Variants in SCFD2 observed in about 807,000 individuals in gnomAD.
The protein encoded by SCFD2 is sec1 family domain-containing protein 2.
Under a neutral mutation model 58.9 loss-of-function variants are expected in SCFD2, and 54 were observed. The observed-to-expected ratio is 0.92, with a 90% CI of 0.74 to 1.15. The LOEUF is 1.15. SCFD2 is among the 50% of genes most tolerant of loss of function. SCFD2 has a pLI of 0.00. For synonymous variants in SCFD2, 321 were observed against 335.9 expected (o/e 0.96, Z 0.49); for missense variants, 805 against 836.6 (o/e 0.96, Z 0.47).
intron 3 of SCFD2, among the ~76,000 whole-genome samples, chr4:53,282,862 T>C (rs1164171534): frequency 1.3e-5 from 2 of 152,172 alleles, no homozygotes; most frequent in African/African-American, 2.4e-5. Flanking sequence ...GAAAGAGCGA[T>C]GGATGAGTAC....
intron 5 of SCFD2, among the ~76,000 whole-genome samples, chr4:52,923,343 G>A (rs1719785515): frequency 6.6e-6 from 1 of 152,022 alleles, no homozygotes; most frequent in Non-Finnish European, 1.5e-5. Context: ...TGGGCATGGT[G>A]GCAGGCCGCG....
At chr4:53,155,688 A>C (rs1726657880) in intron 4 of SCFD2, among the ~76,000 whole-genome samples, 2 of 147,434 alleles carry the variant, frequency 1.4e-5, no homozygotes. Flanking sequence ...ACACAGAGAC[A>C]CACTGAATTT....
intron 5 of SCFD2, among the ~76,000 whole-genome samples, chr4:53,072,793 C>T (rs1723858202): frequency 8.7e-6 from 1 of 114,712 alleles, no homozygotes; most frequent in African/African-American, 2.7e-5. Context: ...AGCAAGAGAG[C>T]TCTTCTCTTT....
chr4:53,218,739 T>C (rs1728945947), intron 4 of SCFD2, among the ~76,000 whole-genome samples: 1 of 152,222 alleles, frequency 6.6e-6, no homozygotes, highest in African/African-American at 2.4e-5. Context: ...ATTTTTCAGC[T>C]TTTCTGCTCT....
chr4:53,212,055 T>C (rs1371212585), intron 4 of SCFD2, among the ~76,000 whole-genome samples: 1 of 152,110 alleles, frequency 6.6e-6, no homozygotes, highest in Admixed American at 6.5e-5. Context: ...TTCAGTTACC[T>C]TATAATATTG....
At chr4:53,259,698 C>T (rs765587644) in intron 4 of SCFD2, among the ~76,000 whole-genome samples, 8 of 151,962 alleles carry the variant, frequency 5.3e-5, no homozygotes, top group Non-Finnish European at 7.4e-5. Context: ...TTTGGCTATG[C>T]GGGCTCTTTT....
intron 5 of SCFD2, among the ~76,000 whole-genome samples, chr4:52,975,556 C>G (rs539803911): frequency 6.6e-6 from 1 of 152,266 alleles, no homozygotes; most frequent in East Asian, 1.9e-4. Flanking sequence ...AATAGGAACA[C>G]TTTTACACAC....
chr4:53,274,554 G>T (rs1416697092), intron 3 of SCFD2, among the ~76,000 whole-genome samples: 1 of 152,174 alleles, frequency 6.6e-6, no homozygotes, highest in African/African-American at 2.4e-5. Context: ...AAAACCACTG[G>T]AAGAGGAGGT....
At chr4:53,156,370 A>G (rs1726682151) in intron 4 of SCFD2, among the ~76,000 whole-genome samples, 1 of 145,268 alleles carries the variant, frequency 6.9e-6, no homozygotes, top group Non-Finnish European at 1.5e-5. Context: ...ATTGCACTCC[A>G]GCCTGGGTGA....
chr4:53,286,981 C>T (rs1577932206), intron 3 of SCFD2, among the ~76,000 whole-genome samples: 1 of 152,118 alleles, frequency 6.6e-6, no homozygotes, highest in African/African-American at 2.4e-5. Flanking sequence ...CTCTGGAATC[C>T]AAATTTCAGC....
intron 7 of SCFD2, among the ~76,000 whole-genome samples, chr4:52,900,181 C>T (rs772118213): frequency 2.6e-5 from 4 of 152,142 alleles, no homozygotes; most frequent in East Asian, 1.9e-4. Context: ...AGTTTTGTTC[C>T]GTTGCTGGTG....
chr4:53,231,570 C>T (rs1729441050), intron 4 of SCFD2, among the ~76,000 whole-genome samples: 1 of 152,002 alleles, frequency 6.6e-6, no homozygotes, highest in Admixed American at 6.6e-5. Flanking sequence ...TCAATTATTC[C>T]TATACCCAAT....
chr4:53,002,618 G>A (rs914369974), intron 5 of SCFD2, among the ~76,000 whole-genome samples: 9 of 152,144 alleles, frequency 5.9e-5, no homozygotes, highest in African/African-American at 2.2e-4. Flanking sequence ...TTTAGGCAAT[G>A]GGTATAAGGA....
intron 4 of SCFD2, among the ~76,000 whole-genome samples, chr4:53,182,233 T>C (rs368891375): frequency 3.3e-5 from 5 of 152,054 alleles, no homozygotes; most frequent in East Asian, 1.9e-4. Context: ...GGAGGCATCA[T>C]GCTACCTGAC....
At chr4:53,327,084 T>C (rs1205173788) in intron 2 of SCFD2, among the ~76,000 whole-genome samples, 1 of 151,750 alleles carries the variant, frequency 6.6e-6, no homozygotes, top group East Asian at 1.9e-4. Flanking sequence ...GTTGTCTTGA[T>C]ACAGCAGCAG....
chr4:53,109,038 C>T (rs1184180785), intron 5 of SCFD2, among the ~76,000 whole-genome samples: 3 of 152,200 alleles, frequency 2.0e-5, no homozygotes, highest in Non-Finnish European at 4.4e-5. Flanking sequence ...CAGCTTCATA[C>T]CTGGGATGCA....
intron 5 of SCFD2, among the ~76,000 whole-genome samples, chr4:53,094,785 C>A (rs969882419): frequency 3.3e-5 from 5 of 152,082 alleles, no homozygotes; most frequent in Admixed American, 1.3e-4. Context: ...TCCTTTACAG[C>A]ATAAGTCTTC....
rs191765675 is a variant in SCFD2 at position 52,927,831 on chromosome 4, G to A, written c.1562-6961C>T. On this transcript the variant is annotated intron_variant, in intron 5 of 8. Transcript: ENST00000401642. Reference sequence around the variant, plus strand: ...AGGATTGTGAAGTGTGAGTGATTCCGGTGACTGGGTCAGGTGGAGGCTGGT... The same window carrying A: ...AGGATTGTGAAGTGTGAGTGATTCCAGTGACTGGGTCAGGTGGAGGCTGGT... Among the ~76,000 whole-genome samples the A allele has an allele frequency of 1.2e-4, 18 of 152,218 alleles. No homozygotes were observed. The South Asian group carries it at 2.5e-3, about 21-fold the overall frequency.
intron 3 of SCFD2, among the ~76,000 whole-genome samples, chr4:53,306,107 A>T (rs1260483892): frequency 2.0e-5 from 3 of 152,238 alleles, no homozygotes; most frequent in Admixed American, 6.5e-5. Flanking sequence ...GTACAAACAA[A>T]GAGATGAGAG....
Sources: gnomAD v4.1 joint callset for allele counts (sites outside exome capture counted in the v4.1 genomes callset) on GRCh38, gnomAD v4.1.1 for gene constraint, MANE v1.5 for transcripts, NCBI Gene and HGNC (gene_info 2026-07-23, HGNC 2026-07-21) for gene names.